Variants in CEP162 observed in about 807,000 individuals in gnomAD.
CEP162 encodes centrosomal protein of 162 kDa.
Under a neutral mutation model 169.2 loss-of-function variants are expected in CEP162, and 141 were observed. That is an observed-to-expected ratio of 0.83 (90% confidence interval 0.73 to 0.96). The LOEUF (loss-of-function observed/expected upper bound fraction) is 0.96, where lower values mean the gene tolerates loss of function less well. Among genes scored for constraint, CEP162 ranks in the 40% least tolerant of loss-of-function variants. CEP162 has a pLI of 0.00. For missense variants in CEP162, 1,600 were observed against 1,587.2 expected (o/e 1.01, Z -0.14); for synonymous variants, 540 against 526.4 (o/e 1.03, Z -0.35).
rs565251277 is a variant in CEP162, at chr6:84,161,289, T to C, written c.2677-373A>G. 4.6e-5 allele frequency among the ~76,000 whole-genome samples: 7 copies of C among 152,174 alleles called. No individual in the cohort carries two copies. In the South Asian group the frequency reaches 1.2e-3, roughly 27 times the overall value. On this transcript the variant is annotated intron_variant, in intron 20 of 26. Transcript: ENST00000403245. ...GAACAAAGAACCAGAAGTTGAGGGATTGGCAGCTACATTAGGAAAGGGAGT... is the reference window on the plus strand; with the variant it reads ...GAACAAAGAACCAGAAGTTGAGGGACTGGCAGCTACATTAGGAAAGGGAGT...
intron 25 of CEP162, among the ~76,000 whole-genome samples, chr6:84,139,621 AG>A (rs1333335613): frequency 2.6e-5 from 4 of 152,222 alleles, no homozygotes; most frequent in Non-Finnish European, 4.4e-5. Context: ...AGCTGGTAAA[AG>A]GTAAGAATTC....
intron 11 of CEP162, 64 bp downstream of exon 11, chr6:84,193,545 G>C: frequency 1.1e-6 from 1 of 939,092 alleles, no homozygotes; most frequent in Admixed American, 2.3e-5. Flanking sequence ...CACTAGGAAT[G>C]ATTACATAGA....
In CEP162 at chr6:84,160,886, G is replaced by T. The variant is rs774889356; in HGVS notation, c.2707C>A (p.Pro903Thr). Residue 903 changes from proline to threonine, a missense_variant, in exon 21 of 27, where the codon CCA (proline) becomes ACA (threonine). Pro to Thr is a conservative substitution (Grantham distance 38). Transcript: ENST00000403245. ...AAGCGTATCTTCTGCCGAATAGATG[G>T]ATTCCCAGATTCAGCTTTCAGTTTC... Reference protein sequence around the residue: ...IEKLKAESGNPSIRQKIRLKD... With the variant: ...IEKLKAESGNTSIRQKIRLKD... 54 of 1,611,994 alleles carry T rather than the reference G, an allele frequency of 3.3e-5. No individual in the cohort carries two copies. In the Admixed American group the frequency reaches 8.8e-4, roughly 26 times the overall value.
chr6:84,125,297 C>T, intron 26 of CEP162, 21 bp from the exon 27 acceptor site: 1 of 1,602,778 alleles, frequency 6.2e-7, no homozygotes, highest in African/African-American at 1.3e-5. Flanking sequence ...AAAAATTCCA[C>T]ATTGCTGTTA....
chr6:84,138,542 T>TATTAAAAGGTAGGTATTCCA (rs2099515119), intron 25 of CEP162, among the ~76,000 whole-genome samples: 1 of 152,164 alleles, frequency 6.6e-6, no homozygotes. Flanking sequence ...ATAAACTCCA[T>TATTAAAAGGTAGGTATTCCA]ATTAAAAGGT....
At position 84,175,246 on chromosome 6, in the gene CEP162, T is replaced by A. The variant is rs1206516433; in HGVS notation, c.1765A>T (p.Thr589Ser). The change falls in exon 14 of 27, where the codon ACA becomes TCA. Residue 589 changes from threonine to serine, a missense_variant. Thr to Ser is a moderately conservative substitution (Grantham distance 58). Transcript: ENST00000403245. ...LSTRKKSENP[T>S]ETDSCIQFQT... ...AACTGAATACAGGAATCAGTTTCTG[T>A]GGGATTTTCAGACTTCTTACGAGTA... The A allele has an allele frequency of 1.3e-6, 2 of 1,542,606 alleles. No individual in the cohort carries two copies. Among genetic ancestry groups the A allele is most frequent in the Non-Finnish European group, 1.8e-6 (2 of 1,141,830 alleles).
intron 18 of CEP162, 89 bp downstream of exon 18, chr6:84,169,239 T>C (rs2099529020): frequency 4.1e-6 from 3 of 727,584 alleles, no homozygotes; most frequent in South Asian, 1.9e-5. Flanking sequence ...TACATTTCTA[T>C]GTAATTTTTT....
Position 84,126,371 on chromosome 6 carries a change from A to G in CEP162, c.4005+7T>C. ...CTATATAAATATGTAAATGTGATTT[A>G]CTTTACCTGTTGAAGTTCCTGTTCT... On this transcript the variant is annotated splice_region_variant and intron_variant, in intron 26 of 26. Coordinates refer to ENST00000403245, the MANE Select transcript of CEP162 (RefSeq NM_014895.4). The G allele has an allele frequency of 6.3e-7, 1 of 1,578,762 alleles. No individual in the cohort carries two copies. The highest frequency in any genetic ancestry group is 8.6e-7 in the Non-Finnish European group (1 of 1,165,518).
intron 25 of CEP162, among the ~76,000 whole-genome samples, chr6:84,138,911 A>C (rs1257589480): frequency 6.6e-6 from 1 of 152,224 alleles, no homozygotes; most frequent in Non-Finnish European, 1.5e-5. Context: ...AACTACTAGA[A>C]CAAGATTTTA....
At position 84,160,809 on chromosome 6, in the gene CEP162, T is replaced by C; in HGVS notation, c.2781+3A>G. On this transcript the variant is annotated splice_donor_region_variant and intron_variant, in intron 21 of 26. Transcript: ENST00000403245. ...CTCATGAAAATTTACCCTGAACACA[T>C]ACTTGTCGCTCCAGATCCTGAATTT... The C allele has an allele frequency of 6.3e-7, 1 of 1,577,822 alleles. No individual in the cohort carries two copies.
At chr6:84,140,338 G>C (rs1324340858) in intron 25 of CEP162, among the ~76,000 whole-genome samples, 1 of 152,164 alleles carries the variant, frequency 6.6e-6, no homozygotes, top group Non-Finnish European at 1.5e-5. Context: ...TCTATGACTG[G>C]AGGTGTCTCT....
intron 16 of CEP162, among the ~76,000 whole-genome samples, chr6:84,173,524 G>A (rs1415537066): frequency 1.3e-5 from 2 of 152,038 alleles, no homozygotes; most frequent in East Asian, 3.9e-4. Flanking sequence ...CACACAGCAG[G>A]TGGTAGAGCT....
At chr6:84,158,694 T>C (rs1020907822) in intron 21 of CEP162, among the ~76,000 whole-genome samples, 3 of 152,142 alleles carry the variant, frequency 2.0e-5, no homozygotes, top group African/African-American at 7.2e-5. Context: ...TGAAAATACA[T>C]GTATACATAC....
intron 22 of CEP162, among the ~76,000 whole-genome samples, chr6:84,155,018 T>G (rs1458149870): frequency 6.6e-6 from 1 of 152,156 alleles, no homozygotes; most frequent in Non-Finnish European, 1.5e-5. Context: ...TCAGGTGTGT[T>G]TTATTCTGCT....
At chr6:84,153,819 C>G (rs937248623) in intron 22 of CEP162, among the ~76,000 whole-genome samples, 2 of 152,100 alleles carry the variant, frequency 1.3e-5, no homozygotes, top group Non-Finnish European at 2.9e-5. Flanking sequence ...TTTCAAATAG[C>G]TCACAGCTTG....
At chr6:84,199,579 G>A (rs934200007) in intron 9 of CEP162, among the ~76,000 whole-genome samples, 9 of 144,600 alleles carry the variant, frequency 6.2e-5, no homozygotes, top group African/African-American at 2.0e-4. Context: ...AAAAAAGAAT[G>A]AAATGCAAGC....
Position 84,126,525 on chromosome 6 carries a change from T to C in CEP162, c.3871-13A>G. ...AGAGTTTTGTAATCTAAAATTGACA[T>C]ATGAAGCAAATGAAAAACTATAATC... On this transcript the variant is annotated splice_polypyrimidine_tract_variant and intron_variant, in intron 25 of 26. Coordinates refer to ENST00000403245, the MANE Select transcript of CEP162 (RefSeq NM_014895.4). The C allele has an allele frequency of 6.7e-7, 1 of 1,488,726 alleles. No homozygotes were observed. Among genetic ancestry groups the C allele is most frequent in the Non-Finnish European group, 9.0e-7 (1 of 1,112,384 alleles). The allele number at this position is 1,488,726 out of a possible 1,614,324, so 92.2% of individuals were successfully genotyped here.
Position 84,171,705 on chromosome 6 carries a change from A to G in CEP162, c.2180T>C (p.Leu727Ser). Reference protein sequence around the residue: ...LQGYQQENERLYNQVKDLQEQ... With the variant: ...LQGYQQENERSYNQVKDLQEQ... ...TTGGAGATCTTTTACTTGATTATAT[A>G]ATCGTTCATTTTCCTTTTTAAAAAC... The change falls in exon 17 of 27, where the codon TTA becomes TCA. Residue 727 changes from leucine (L) to serine (S), a missense_variant. Transcript: ENST00000403245. 1.4e-6 allele frequency: 2 copies of G among 1,472,314 alleles called. No individual in the cohort carries two copies. The highest frequency in any genetic ancestry group is 1.4e-5 in the African/African-American group (1 of 70,236). 91.2% of individuals were successfully genotyped at this position (1,472,314 alleles called of 1,614,324 possible). A position where few individuals can be genotyped will look rare whatever the true frequency, so the allele number is the denominator to read the frequency against.
chr6:84,195,195 G>T, intron 9 of CEP162, 120 bp from the exon 10 acceptor site: 1 of 810,852 alleles, frequency 1.2e-6, no homozygotes. Context: ...TACTAACTAG[G>T]TAATTTGCAG....
Sources: allele counts gnomAD v4.1 joint callset (sites outside exome capture counted in the v4.1 genomes callset), GRCh38; gene constraint gnomAD v4.1.1; transcripts MANE v1.5; gene names NCBI Gene and HGNC (gene_info 2026-07-23, HGNC 2026-07-21).